FHIT: variants seen among roughly 807,000 people sequenced by gnomAD.
The protein encoded by FHIT is bis(5'-adenosyl)-triphosphatase.
FHIT carries 19 observed loss-of-function variants against 17.9 expected under a neutral mutation model. That is an observed-to-expected ratio of 1.06 (90% confidence interval 0.74 to 1.56). FHIT has a LOEUF of 1.56. FHIT is among the 40% of genes most tolerant of loss of function. The pLI is 0.00. For missense variants in FHIT, 248 were observed against 189.2 expected (o/e 1.31, Z -1.82); for synonymous variants, 81 against 69.7 (o/e 1.16, Z -0.81).
chr3:60,652,913 CA>C (rs1443603838), intron 4 of FHIT, among the ~76,000 whole-genome samples: 447 of 22,040 alleles, frequency 0.02, 3 homozygotes, highest in African/African-American at 0.057. Context: ...TCATCTCAAA[CA>C]AAACAAAACA....
At chr3:60,853,365 G>A (rs782429105) in intron 3 of FHIT, among the ~76,000 whole-genome samples, 8 of 151,922 alleles carry the variant, frequency 5.3e-5, no homozygotes, top group Non-Finnish European at 5.9e-5. Flanking sequence ...TTTCAAAATC[G>A]CTGTTTGGAA....
intron 5 of FHIT, among the ~76,000 whole-genome samples, chr3:60,260,900 C>A (rs1706258025): frequency 6.6e-6 from 1 of 151,968 alleles, no homozygotes; most frequent in African/African-American, 2.4e-5. Flanking sequence ...AAAACACACT[C>A]CCACCAGCGC....
intron 5 of FHIT, among the ~76,000 whole-genome samples, chr3:60,187,382 G>A (rs1395279598): frequency 6.6e-6 from 1 of 152,170 alleles, no homozygotes; most frequent in South Asian, 2.1e-4. Context: ...TCTGAGGACC[G>A]AAGTATAAAT....
intron 2 of FHIT, among the ~76,000 whole-genome samples, chr3:61,080,318 T>C (rs1311179959): frequency 1.3e-5 from 2 of 152,152 alleles, no homozygotes; most frequent in Non-Finnish European, 2.9e-5. Context: ...CTACTCCAGT[T>C]TTAAAATAGT....
chr3:60,488,240 G>A (rs1055216224), intron 5 of FHIT, among the ~76,000 whole-genome samples: 9 of 152,150 alleles, frequency 5.9e-5, no homozygotes, highest in South Asian at 2.1e-4. Context: ...TGAGATGCTC[G>A]GTCCATCGAC....
intron 5 of FHIT, among the ~76,000 whole-genome samples, chr3:60,440,069 G>T (rs35512291): frequency 6.6e-6 from 1 of 152,038 alleles, no homozygotes; most frequent in Non-Finnish European, 1.5e-5. Flanking sequence ...CTAGCCCCCA[G>T]AGTCTCATTT....
At chr3:60,374,227 C>T (rs930522067) in intron 5 of FHIT, among the ~76,000 whole-genome samples, 7 of 152,042 alleles carry the variant, frequency 4.6e-5, no homozygotes, top group African/African-American at 1.7e-4. Context: ...TAATTATAAA[C>T]AATTCTTTCC....
At chr3:61,094,339 T>G (rs1211664335) in intron 2 of FHIT, among the ~76,000 whole-genome samples, 1 of 152,226 alleles carries the variant, frequency 6.6e-6, no homozygotes, top group Non-Finnish European at 1.5e-5. Context: ...ACTTACTGTC[T>G]GTGCAACCTT....
At chr3:61,056,520 C>G (rs1306568811) in intron 2 of FHIT, among the ~76,000 whole-genome samples, 1 of 152,176 alleles carries the variant, frequency 6.6e-6, no homozygotes, top group Non-Finnish European at 1.5e-5. Context: ...AGAAGCGAAG[C>G]TGATGAGAGT....
At chr3:60,201,720 C>A (rs917890939) in intron 5 of FHIT, among the ~76,000 whole-genome samples, 1 of 151,984 alleles carries the variant, frequency 6.6e-6, no homozygotes, top group East Asian at 1.9e-4. Flanking sequence ...TATCTCATAA[C>A]TTTTTTTAAA....
chr3:60,294,004 T>C (rs1160537561), intron 5 of FHIT, among the ~76,000 whole-genome samples: 1 of 152,140 alleles, frequency 6.6e-6, no homozygotes, highest in African/African-American at 2.4e-5. Flanking sequence ...ATCTCAGCAA[T>C]ATATTCTTCT....
intron 4 of FHIT, among the ~76,000 whole-genome samples, chr3:60,610,542 A>AT (rs1381546990): frequency 1.3e-5 from 2 of 152,156 alleles, no homozygotes; most frequent in Admixed American, 1.3e-4. Context: ...CCAAAGCCCT[A>AT]TGTAAGTATT....
Position 60,643,210 on chromosome 3 carries a change from T to C in FHIT, c.-17-106231A>G, listed in dbSNP as rs1423270588. 2.6e-5 allele frequency among the ~76,000 whole-genome samples: 4 copies of C among 151,994 alleles called. No homozygotes were observed. In the East Asian group the frequency reaches 7.7e-4, roughly 29 times the overall value. The stretch of plus-strand genomic sequence containing the variant: ...TAGAGACCATCTACGTTTTTCCCTT[T>C]CAATGTACAACATGATTTTGTTTTC... On this transcript the variant is annotated intron_variant, in intron 4 of 9. Coordinates refer to ENST00000492590, the MANE Select transcript of FHIT (RefSeq NM_002012.4).
chr3:60,631,313 G>C (rs2039436049), intron 4 of FHIT, among the ~76,000 whole-genome samples: 1 of 152,176 alleles, frequency 6.6e-6, no homozygotes, highest in African/African-American at 2.4e-5. Context: ...AACTGTATTA[G>C]ACCATATGAC....
intron 5 of FHIT, among the ~76,000 whole-genome samples, chr3:60,457,931 C>A (rs543169463): frequency 2.7e-4 from 41 of 152,192 alleles, no homozygotes; most frequent in African/African-American, 9.6e-4. Flanking sequence ...AGTCAGGAAA[C>A]AACAGGTGCT....
intron 2 of FHIT, among the ~76,000 whole-genome samples, chr3:61,050,924 G>C (rs1367153165): frequency 6.6e-6 from 1 of 152,106 alleles, no homozygotes; most frequent in African/African-American, 2.4e-5. Context: ...TTTCTTCTAA[G>C]AATGCTCCAA....
intron 3 of FHIT, among the ~76,000 whole-genome samples, chr3:60,931,808 A>T (rs1458265316): frequency 6.6e-6 from 1 of 152,264 alleles, no homozygotes; most frequent in African/African-American, 2.4e-5. Flanking sequence ...GAACACCGGC[A>T]GTAGCTATTT....
At chr3:60,841,043 T>C (rs1321428955) in intron 3 of FHIT, among the ~76,000 whole-genome samples, 5 of 152,240 alleles carry the variant, frequency 3.3e-5, no homozygotes, top group African/African-American at 1.2e-4. Context: ...TATTCCTCTT[T>C]ATTTTCTCCT....
At chr3:61,040,872 G>A (rs2033474672) in intron 3 of FHIT, among the ~76,000 whole-genome samples, 1 of 152,222 alleles carries the variant, frequency 6.6e-6, no homozygotes, top group South Asian at 2.1e-4. Flanking sequence ...ACCAGCTGAG[G>A]GCCCAGGCCT....
Sources: allele counts gnomAD v4.1 joint callset (sites outside exome capture counted in the v4.1 genomes callset), GRCh38; gene constraint gnomAD v4.1.1; transcripts MANE v1.5; gene names NCBI Gene and HGNC (gene_info 2026-07-23, HGNC 2026-07-21).